HDLBP: variants seen among roughly 807,000 people sequenced by gnomAD.
The protein encoded by HDLBP is vigilin.
In HDLBP, 30 loss-of-function variants were observed where a neutral mutation model predicts 137.3. The observed-to-expected ratio is 0.22, with a 90% CI of 0.16 to 0.30. The LOEUF is 0.30. HDLBP is among the 10% of genes least tolerant of loss of function. The probability of loss-of-function intolerance (pLI) is 1.00; values close to 1 mark genes in which losing one functional copy is unlikely to be tolerated. For synonymous variants in HDLBP, 606 were observed against 596.0 expected, an observed-to-expected ratio of 1.02 and a Z score of -0.24; for missense variants, 1,119 against 1,667.3, an observed-to-expected ratio of 0.67 and a Z score of 5.73.
chr2:241,296,181 T>C (rs1296279470), intron 1 of HDLBP, among the ~76,000 whole-genome samples: 2 of 152,088 alleles, frequency 1.3e-5, no homozygotes, highest in East Asian at 3.8e-4. Flanking sequence ...CACTTGGTGT[T>C]ACTGGCTAAG....
At chr2:241,265,791 C>T (rs546375746) in intron 3 of HDLBP, among the ~76,000 whole-genome samples, 44 of 152,176 alleles carry the variant, frequency 2.9e-4, no homozygotes, top group Non-Finnish European at 5.7e-4. Context: ...GCTGACAGGA[C>T]AGGTGGAAGC....
At chr2:241,305,729 T>C (rs1418995288) in intron 1 of HDLBP, among the ~76,000 whole-genome samples, 1 of 151,520 alleles carries the variant, frequency 6.6e-6, no homozygotes, top group Non-Finnish European at 1.5e-5. Flanking sequence ...GACTAGTATA[T>C]AGGAAGCAAT....
At chr2:241,246,495 G>C (rs529979588) in intron 16 of HDLBP, 1 of 418,706 alleles carries the variant, frequency 2.4e-6, no homozygotes, top group East Asian at 4.0e-5. Context: ...AGATTTTCAG[G>C]TAACAAGAAG....
At chr2:241,266,667 G>C (rs1174689849) in intron 3 of HDLBP, 127 bp downstream of exon 3, 1 of 693,590 alleles carries the variant, frequency 1.4e-6, no homozygotes, top group African/African-American at 1.8e-5. Context: ...ACAAGATGTT[G>C]GACCCTCCCT....
intron 8 of HDLBP, 47 bp downstream of exon 8, chr2:241,255,327 G>C (rs748972930): frequency 1.9e-6 from 3 of 1,540,554 alleles, no homozygotes; most frequent in Non-Finnish European, 2.7e-6. Flanking sequence ...TGAAGGCCCC[G>C]CGGACTCCAC....
At chr2:241,256,521 C>T in intron 6 of HDLBP, 79 bp downstream of exon 6, 1 of 1,537,726 alleles carries the variant, frequency 6.5e-7, no homozygotes, top group Non-Finnish European at 9.0e-7. Flanking sequence ...GAAGTCCACA[C>T]TGGACACGGC....
intron 2 of HDLBP, chr2:241,267,765 A>G: frequency 5.9e-6 from 9 of 1,516,876 alleles, no homozygotes; most frequent in Non-Finnish European, 7.9e-6. Flanking sequence ...CAGACCCACA[A>G]ATTGCGCTAA....
At position 241,230,991 on chromosome 2, in the gene HDLBP, TC is replaced by T. The variant is rs749734865; in HGVS notation, c.3289-48del. 2.6e-6 allele frequency: 4 copies of T among 1,549,050 alleles called. No individual in the cohort carries two copies. In the Admixed American group the frequency reaches 5.0e-5, roughly 20 times the overall value. ...AGAAAAGGGGATGCCTTACTGGGAT[TC>T]CCGTCAGGGGCAAGAGCCGGCCCCC... is the stretch of plus-strand genomic sequence containing the variant. On this transcript the variant is annotated intron_variant, in intron 24 of 27. Transcript: ENST00000310931. This position sits in a 1 kb window ranked among gnomAD's most constrained non-coding sequence, Gnocchi z 5.0.
intron 14 of HDLBP, 54 bp from the exon 15 acceptor site, chr2:241,247,196 C>G: frequency 8.8e-7 from 1 of 1,132,752 alleles, no homozygotes; most frequent in Non-Finnish European, 1.3e-6. Flanking sequence ...GAGTAAAATA[C>G]AGTATCCCTT....
At chr2:241,253,643 A>G in intron 9 of HDLBP, 146 bp from the exon 10 acceptor site, 1 of 635,870 alleles carries the variant, frequency 1.6e-6, no homozygotes, top group Admixed American at 2.8e-5. Flanking sequence ...ATCCACAGCC[A>G]TCAAACAAAG....
At chr2:241,267,602 A>T in intron 2 of HDLBP, 1 of 1,535,718 alleles carries the variant, frequency 6.5e-7, no homozygotes, top group Non-Finnish European at 8.7e-7. Flanking sequence ...AAAATGCATC[A>T]TGACAGTTGC....
intron 16 of HDLBP, 137 bp downstream of exon 16, chr2:241,246,615 G>C (rs997842306): frequency 3.3e-5 from 27 of 827,798 alleles, no homozygotes; most frequent in Non-Finnish European, 5.0e-5. Context: ...CTCATCAGTA[G>C]CCTGGATTGA....
At chr2:241,288,625 G>T (rs772215843) in intron 1 of HDLBP, among the ~76,000 whole-genome samples, 3 of 152,124 alleles carry the variant, frequency 2.0e-5, no homozygotes, top group Non-Finnish European at 4.4e-5. Flanking sequence ...CTGCTTCTAG[G>T]TGGAAATGCA....
chr2:241,264,472 G>C lies in HDLBP; in HGVS notation c.210C>G (p.Pro70=), dbSNP rs2073493794. The C allele has an allele frequency of 1.2e-6, 2 of 1,613,144 alleles. No individual in the cohort carries two copies. The highest frequency in any genetic ancestry group is 1.7e-6 in the Non-Finnish European group (2 of 1,179,244). ...PAGAWGNKIR[P]IKASVITQVF... is the part of the protein sequence containing the mutation. ...CCTGAGTGATGACAGAAGCCTTGAT[G>C]GGTCGGATCTTGTTCCCCCAGGCTC... Residue 70 remains proline, a synonymous_variant, in exon 4 of 28, where the codon CCC becomes CCG. Transcript: ENST00000310931.
Position 241,240,471 on chromosome 2 carries a change from G to A in HDLBP, c.2170-349C>T, listed in dbSNP as rs989220749. ...GCAACGCGCCGGACGATATGTTGGC[G>A]GAGTGCACGTCCTGGGGAGCGTGGG... On this transcript the variant is annotated intron_variant, in intron 17 of 27. Coordinates refer to ENST00000310931, the MANE Select transcript of HDLBP (RefSeq NM_005336.6). This position sits in a 1 kb window ranked among gnomAD's most constrained non-coding sequence, Gnocchi z 5.5. Among the ~76,000 whole-genome samples, 24 of 151,636 alleles carry A rather than the reference G, an allele frequency of 1.6e-4. No individual in the cohort carries two copies. The highest frequency in any genetic ancestry group is 5.1e-4 in the African/African-American group (21 of 41,430).
At chr2:241,268,584 G>C (rs1559527515) in intron 1 of HDLBP, 43 bp from the exon 2 acceptor site, 1 of 772,090 alleles carries the variant, frequency 1.3e-6, no homozygotes, top group Non-Finnish European at 1.6e-6. Flanking sequence ...GAGGAAACCA[G>C]AGAAAAGTTA....
At chr2:241,271,143 C>T in intron 1 of HDLBP, 1 of 985,350 alleles carries the variant, frequency 1.0e-6, no homozygotes, top group South Asian at 4.7e-5. Flanking sequence ...AGCCCTATCT[C>T]CTGTCTCCTT....
At chr2:241,285,165 C>G (rs2074756131) in intron 1 of HDLBP, among the ~76,000 whole-genome samples, 1 of 152,242 alleles carries the variant, frequency 6.6e-6, no homozygotes, top group Non-Finnish European at 1.5e-5. Context: ...CAGGCCTGAG[C>G]CACTGCGCCC....
Position 241,272,128 on chromosome 2 carries a change from A to C in HDLBP, c.-102-3587T>G. The C allele has an allele frequency of 1.0e-6, 1 of 964,070 alleles. No homozygotes were observed. The highest frequency in any genetic ancestry group is 1.2e-6 in the Non-Finnish European group (1 of 810,452). The allele number at this position is 964,070 out of a possible 1,614,324, so 59.7% of individuals were successfully genotyped here. ...CTGGGGCACGTCCAAGTTGCACTCC[A>C]GGCCCAAGAAGAGCAGCTTTCCCCA... On this transcript the variant is annotated intron_variant, in intron 1 of 27. Coordinates refer to ENST00000310931, the MANE Select transcript of HDLBP (RefSeq NM_005336.6). This position sits in a 1 kb window ranked among gnomAD's most constrained non-coding sequence, Gnocchi z 5.6.
Sources: gnomAD v4.1 joint callset for allele counts (sites outside exome capture counted in the v4.1 genomes callset) on GRCh38, gnomAD v4.1.1 for gene constraint, Gnocchi (gnomAD v3.1) non-coding constraint, MANE v1.5 for transcripts, NCBI Gene and HGNC (gene_info 2026-07-23, HGNC 2026-07-21) for gene names.